JPH3: variants seen among roughly 807,000 people sequenced by gnomAD.
JPH3 encodes junctophilin 3.
A neutral mutation model predicts 59.6 loss-of-function variants in JPH3; 11 were observed. The observed-to-expected ratio is 0.18, with a 90% CI of 0.12 to 0.31. The LOEUF is 0.31. JPH3 is among the 10% of genes least tolerant of loss of function. The pLI is 1.00. For missense variants in JPH3, 1,202 were observed against 1,105.7 expected (o/e 1.09, Z -1.24); for synonymous variants, 673 against 483.6 (o/e 1.39, Z -5.14).
intron 2 of JPH3, among the ~76,000 whole-genome samples, chr16:87,669,185 G>T (rs912052827): frequency 3.3e-5 from 5 of 152,142 alleles, no homozygotes; most frequent in African/African-American, 1.2e-4. Flanking sequence ...CTGCTCTAGG[G>T]CCAGGTGGTC....
intron 1 of JPH3, chr16:87,604,034 G>T: frequency 1.0e-6 from 1 of 958,802 alleles, no homozygotes; most frequent in African/African-American, 1.8e-5. Context: ...GATGGGGAGC[G>T]CTAGGGGCGG....
intron 4 of JPH3, among the ~76,000 whole-genome samples, chr16:87,691,093 C>CCA (rs2033560464): frequency 6.6e-6 from 1 of 150,682 alleles, no homozygotes; most frequent in African/African-American, 2.4e-5. Flanking sequence ...AGCACCCCCC[C>CCA]CCCAAATTCG....
At chr16:87,643,086 C>A (rs1475773372) in intron 1 of JPH3, among the ~76,000 whole-genome samples, 1 of 152,202 alleles carries the variant, frequency 6.6e-6, no homozygotes, top group African/African-American at 2.4e-5. Flanking sequence ...ACCGCGCTTT[C>A]TGCATCTCTG....
At chr16:87,657,993 G>A (rs931967070) in intron 2 of JPH3, among the ~76,000 whole-genome samples, 1 of 152,180 alleles carries the variant, frequency 6.6e-6, no homozygotes, top group African/African-American at 2.4e-5. Flanking sequence ...GGACATAAAT[G>A]TCCCCTCTGC....
intron 1 of JPH3, 45 bp from the exon 2 acceptor site, chr16:87,644,213 C>T (rs556014526): frequency 5.2e-6 from 8 of 1,552,698 alleles, no homozygotes; most frequent in Middle Eastern, 1.7e-4. Flanking sequence ...GCTGTGCCCC[C>T]TCCTCTGTCG....
rs2032635212 is a variant in JPH3, at chr16:87,659,569, A to G, written c.1160+14534A>G. On this transcript the variant is annotated intron_variant, in intron 2 of 4. Transcript: ENST00000284262. ...GAAATTCCATCTCTACTAAAAATAC[A>G]AAAATTAGTAGTGTATTAGTGGGTG... Among the ~76,000 whole-genome samples the G allele has an allele frequency of 2.0e-5, 3 of 151,872 alleles. No homozygotes were observed. The South Asian group carries it at 6.2e-4, about 32-fold the overall frequency.
At chr16:87,672,070 G>A (rs576210557) in intron 2 of JPH3, among the ~76,000 whole-genome samples, 1 of 152,240 alleles carries the variant, frequency 6.6e-6, no homozygotes, top group South Asian at 2.1e-4. Context: ...CTCAACCGGG[G>A]TCTAGGCTCC....
intron 1 of JPH3, among the ~76,000 whole-genome samples, chr16:87,640,042 T>A (rs1327328796): frequency 6.6e-6 from 1 of 152,146 alleles, no homozygotes; most frequent in Non-Finnish European, 1.5e-5. Flanking sequence ...CAGCCCACCT[T>A]CCTGGAGTTC....
At position 87,602,866 on chromosome 16, in the gene JPH3, C is replaced by T; in HGVS notation, c.-281C>T. 5.3e-6 allele frequency: 1 copy of T among 188,802 alleles called. No homozygotes were observed. Among genetic ancestry groups the T allele is most frequent in the South Asian group, 8.8e-5 (1 of 11,416 alleles). The allele number at this position is 188,802 out of a possible 1,614,324, so 11.7% of individuals were successfully genotyped here. A position where few individuals can be genotyped will look rare whatever the true frequency, so the allele number is the denominator to read the frequency against. ...CGCCGCTCCTGCCCCCTCCCTCCCT[C>T]CTCCCCTCCCCCTCCCCTCCGGTCC... On this transcript the variant is annotated 5_prime_UTR_variant, in exon 1 of 5. Transcript: ENST00000284262.
chr16:87,654,269 C>T (rs534113543), intron 2 of JPH3: 1 of 152,334 alleles, frequency 6.6e-6, no homozygotes, highest in East Asian at 1.9e-4. Context: ...TCCCCAACTC[C>T]CAGACGGGGT....
At chr16:87,621,318 C>T (rs2031177318) in intron 1 of JPH3, among the ~76,000 whole-genome samples, 1 of 152,212 alleles carries the variant, frequency 6.6e-6, no homozygotes, top group Non-Finnish European at 1.5e-5. Context: ...GTGGCCACTC[C>T]AAAATCCTAT....
chr16:87,671,696 C>G (rs1037399521), intron 2 of JPH3, among the ~76,000 whole-genome samples: 7 of 152,072 alleles, frequency 4.6e-5, no homozygotes, highest in African/African-American at 1.7e-4. Context: ...CTGGGGTCCC[C>G]CACCCCTTGG....
At chr16:87,609,281 T>A (rs189967515) in intron 1 of JPH3, among the ~76,000 whole-genome samples, 2 of 152,200 alleles carry the variant, frequency 1.3e-5, no homozygotes, top group East Asian at 3.9e-4. Context: ...TATTTATCTG[T>A]TTTGAGATGG....
chr16:87,667,107 G>T (rs1373168748), intron 2 of JPH3, among the ~76,000 whole-genome samples: 2 of 152,246 alleles, frequency 1.3e-5, no homozygotes, highest in East Asian at 3.8e-4. Flanking sequence ...GCTTCTGGGG[G>T]CTGCCGGCCT....
At chr16:87,610,881 A>C (rs1467460529) in intron 1 of JPH3, among the ~76,000 whole-genome samples, 1 of 152,232 alleles carries the variant, frequency 6.6e-6, no homozygotes, top group Admixed American at 6.5e-5. Flanking sequence ...AGAAAGGCCC[A>C]TGGAAAGATG....
At chr16:87,649,068 C>T (rs952882077) in intron 2 of JPH3, among the ~76,000 whole-genome samples, 15 of 152,150 alleles carry the variant, frequency 9.9e-5, no homozygotes, top group East Asian at 1.9e-4. Context: ...GCAGTGGAGA[C>T]GAGGGAGGGG....
chr16:87,664,011 T>A (rs2032782937), intron 2 of JPH3, among the ~76,000 whole-genome samples: 1 of 152,106 alleles, frequency 6.6e-6, no homozygotes, highest in African/African-American at 2.4e-5. Context: ...TTTGAGGAAA[T>A]ATGCGCTGAA....
intron 4 of JPH3, chr16:87,695,848 G>A: frequency 2.2e-6 from 1 of 456,076 alleles, no homozygotes; most frequent in Non-Finnish European, 4.4e-6. Context: ...GCAAGCACAG[G>A]GAAGGTGGCA....
At chr16:87,675,529 G>A (rs964463977) in intron 2 of JPH3, among the ~76,000 whole-genome samples, 4 of 152,168 alleles carry the variant, frequency 2.6e-5, no homozygotes, top group African/African-American at 7.2e-5. Flanking sequence ...TGCTGCAGCC[G>A]GAGGCTGCCG....
Sources: allele counts gnomAD v4.1 joint callset (sites outside exome capture counted in the v4.1 genomes callset), GRCh38; gene constraint gnomAD v4.1.1; transcripts MANE v1.5; gene names NCBI Gene and HGNC (gene_info 2026-07-23, HGNC 2026-07-21).